CDH13: variants seen among roughly 807,000 people sequenced by gnomAD.
CDH13 encodes the protein cadherin-13.
A neutral mutation model predicts 63.8 loss-of-function variants in CDH13; 24 were observed. The ratio of observed to expected loss-of-function variants is 0.38; its 90% CI spans 0.27 to 0.53. CDH13 has a LOEUF of 0.53. CDH13 is among the 20% of genes least tolerant of loss of function. The pLI, the probability that CDH13 is intolerant of heterozygous loss-of-function variation, is 0.85. For missense variants in CDH13, 1,049 were observed against 903.1 expected (o/e 1.16, Z -2.07); for synonymous variants, 503 against 355.3 (o/e 1.42, Z -4.67).
At chr16:83,258,824 G>A (rs55687074) in intron 5 of CDH13, among the ~76,000 whole-genome samples, 2 of 152,282 alleles carry the variant, frequency 1.3e-5, no homozygotes, top group East Asian at 1.9e-4. Context: ...TAACAGGCAC[G>A]TGACCAGTCC....
At position 83,637,430 on chromosome 16, in the gene CDH13, G is replaced by A. The variant is rs1475222930; in HGVS notation, c.1102-33360G>A. Among the ~76,000 whole-genome samples, 354 of 70,342 alleles carry A rather than the reference G, an allele frequency of 5.0e-3. 39 individuals carry two copies. The highest frequency in any genetic ancestry group is 0.019 in the African/African-American group (339 of 17,682). The allele number at this position is 70,342 out of a possible 152,430, so 46.1% of individuals were successfully genotyped here. A position where few individuals can be genotyped will look rare whatever the true frequency, so the allele number is the denominator to read the frequency against. ...AGGCCAGTGTGTGTGCGCACCGTGC[G>A]CGAGCCGAAGCAGGGCGAGGCATTG... On this transcript the variant is annotated intron_variant, in intron 8 of 13. Transcript: ENST00000567109.
intron 6 of CDH13, among the ~76,000 whole-genome samples, chr16:83,365,651 C>A: frequency 6.6e-6 from 1 of 152,146 alleles, no homozygotes; most frequent in Non-Finnish European, 1.5e-5. Flanking sequence ...CCGGGATTAT[C>A]CAGGTGGACC....
At chr16:83,035,249 G>T (rs1208168487) in intron 3 of CDH13, among the ~76,000 whole-genome samples, 1 of 152,154 alleles carries the variant, frequency 6.6e-6, no homozygotes, top group Non-Finnish European at 1.5e-5. Flanking sequence ...AAATCAGTGA[G>T]TGCCTGAGTC....
At chr16:83,290,653 T>G (rs757732504) in intron 5 of CDH13, among the ~76,000 whole-genome samples, 79 of 152,124 alleles carry the variant, frequency 5.2e-4, no homozygotes, top group Non-Finnish European at 4.9e-4. Context: ...TTCCCTCTTA[T>G]CGAATGACTT....
chr16:83,522,159 GC>G (rs1427899216), intron 7 of CDH13, among the ~76,000 whole-genome samples: 1 of 152,202 alleles, frequency 6.6e-6, no homozygotes, highest in Non-Finnish European at 1.5e-5. Context: ...GCCAGCTCTG[GC>G]TTGCGCTTTA....
intron 10 of CDH13, among the ~76,000 whole-genome samples, chr16:83,681,071 C>G (rs749835829): frequency 6.6e-6 from 1 of 151,840 alleles, no homozygotes; most frequent in Admixed American, 6.6e-5. Context: ...GAGTCACAAG[C>G]ACAACTCTCT....
chr16:82,715,659 C>G (rs1226470563), intron 1 of CDH13, among the ~76,000 whole-genome samples: 2 of 152,122 alleles, frequency 1.3e-5, no homozygotes, highest in South Asian at 2.1e-4. Flanking sequence ...TGTGCCCTGT[C>G]AAGTGGGTAC....
At chr16:82,745,311 A>C (rs757909357) in intron 1 of CDH13, among the ~76,000 whole-genome samples, 4 of 152,196 alleles carry the variant, frequency 2.6e-5, no homozygotes, top group Admixed American at 2.0e-4. Flanking sequence ...TTAAAGATAC[A>C]ACGTGTAACT....
intron 2 of CDH13, among the ~76,000 whole-genome samples, chr16:82,997,865 C>G (rs754658128): frequency 6.6e-6 from 1 of 152,168 alleles, no homozygotes; most frequent in Non-Finnish European, 1.5e-5. Flanking sequence ...AGTTGCAGCT[C>G]TTATCAGGCC....
chr16:83,792,701 A>G (rs1026134613), intron 13 of CDH13, among the ~76,000 whole-genome samples: 2 of 152,232 alleles, frequency 1.3e-5, no homozygotes, highest in African/African-American at 4.8e-5. Context: ...CTCTCTAACC[A>G]AAATTAGACA....
At chr16:83,138,688 A>C (rs372059595) in intron 4 of CDH13, among the ~76,000 whole-genome samples, 2 of 152,192 alleles carry the variant, frequency 1.3e-5, no homozygotes, top group East Asian at 1.9e-4. Flanking sequence ...AGTGTTATAC[A>C]TTGGGGAATC....
At chr16:83,041,655 C>G (rs1237907749) in intron 3 of CDH13, among the ~76,000 whole-genome samples, 1 of 152,098 alleles carries the variant, frequency 6.6e-6, no homozygotes, top group Non-Finnish European at 1.5e-5. Flanking sequence ...CACATACATT[C>G]ATGGGGATAT....
At chr16:83,774,643 G>C (rs926316274) in intron 11 of CDH13, among the ~76,000 whole-genome samples, 1 of 152,158 alleles carries the variant, frequency 6.6e-6, no homozygotes, top group East Asian at 1.9e-4. Flanking sequence ...CAGAGTGCTA[G>C]GATTATAGAC....
intron 4 of CDH13, among the ~76,000 whole-genome samples, chr16:83,143,506 C>A (rs1408965489): frequency 6.6e-6 from 1 of 152,100 alleles, no homozygotes; most frequent in African/African-American, 2.4e-5. Context: ...GGTGACTGAA[C>A]TAAAAATATT....
intron 6 of CDH13, among the ~76,000 whole-genome samples, chr16:83,471,525 C>T (rs888281044): frequency 3.3e-5 from 5 of 152,160 alleles, no homozygotes; most frequent in East Asian, 3.9e-4. Context: ...CCACCCGCCT[C>T]GGCCTCCCAA....
rs541902101 is a variant in CDH13, at chr16:83,411,899, G to A, written c.781+66893G>A. Reference sequence around the variant, plus strand: ...AGATAGTAACATCCCACATTACAGAGGAAAAACACGAGCTTGTAATTGCAT... The same window carrying A: ...AGATAGTAACATCCCACATTACAGAAGAAAAACACGAGCTTGTAATTGCAT... On this transcript the variant is annotated intron_variant, in intron 6 of 13. Coordinates refer to ENST00000567109, the MANE Select transcript of CDH13 (RefSeq NM_001257.5). Among the ~76,000 whole-genome samples, 8 of 152,250 alleles carry A rather than the reference G, an allele frequency of 5.3e-5. No individual in the cohort carries two copies. In the East Asian group the frequency reaches 7.7e-4, roughly 15 times the overall value.
intron 2 of CDH13, among the ~76,000 whole-genome samples, chr16:83,020,498 G>A (rs1915246739): frequency 6.6e-6 from 1 of 152,178 alleles, no homozygotes; most frequent in Admixed American, 6.5e-5. Context: ...CCAGAACAAA[G>A]CCAAGCTGTA....
At chr16:83,187,918 G>A (rs948556846) in intron 4 of CDH13, among the ~76,000 whole-genome samples, 9 of 152,156 alleles carry the variant, frequency 5.9e-5, no homozygotes, top group African/African-American at 1.9e-4. Flanking sequence ...GATGAGTGCA[G>A]GGATGCATCT....
chr16:82,803,725 G>C (rs2036990842), intron 1 of CDH13, among the ~76,000 whole-genome samples: 1 of 152,138 alleles, frequency 6.6e-6, no homozygotes, highest in Non-Finnish European at 1.5e-5. Flanking sequence ...GACAGTCACA[G>C]AAGGACAGAA....
Sources: gnomAD v4.1 joint callset for allele counts (sites outside exome capture counted in the v4.1 genomes callset) on GRCh38, gnomAD v4.1.1 for gene constraint, MANE v1.5 for transcripts, NCBI Gene and HGNC (gene_info 2026-07-23, HGNC 2026-07-21) for gene names.